Variants in MRTFB observed in about 807,000 individuals in gnomAD.
The protein encoded by MRTFB is myocardin-related transcription factor B.
Under a neutral mutation model 104.2 loss-of-function variants are expected in MRTFB, and 29 were observed. That is an observed-to-expected ratio of 0.28 (90% CI 0.21 to 0.38). The LOEUF (loss-of-function observed/expected upper bound fraction) is 0.38. Among genes scored for constraint, MRTFB ranks in the 10% least tolerant of loss-of-function variants. The pLI, the probability that MRTFB is intolerant of heterozygous loss-of-function variation, is 1.00. For missense variants in MRTFB, 1,270 were observed against 1,341.6 expected, an observed-to-expected ratio of 0.95 and a Z score of 0.83; for synonymous variants, 535 against 519.5, an observed-to-expected ratio of 1.03 and a Z score of -0.41.
At chr16:14,200,868 C>A in intron 3 of MRTFB, 1 of 1,458,638 alleles carries the variant, frequency 6.9e-7, no homozygotes, top group Middle Eastern at 1.7e-4. Context: ...TGTATGGTTA[C>A]CTCAGGTGTA....
the MRTFB span, among the ~76,000 whole-genome samples, chr16:13,997,632 A>AC: frequency 8.1e-5 from 6 of 73,984 alleles, no homozygotes; most frequent in African/African-American, 6.2e-4. Context: ...TATCTGTACC[A>AC]AAAAAAAAAA....
chr16:14,184,997 G>A (rs2039898404), intron 3 of MRTFB, among the ~76,000 whole-genome samples: 1 of 152,220 alleles, frequency 6.6e-6, no homozygotes, highest in South Asian at 2.1e-4. Flanking sequence ...CTAATTAAGT[G>A]ACCAACCTAA....
rs201003823 is a variant in MRTFB, at chr16:14,138,250, A to AAT, written c.-63-2286_-63-2285dup. On this transcript the variant is annotated intron_variant, in intron 2 of 16. Transcript: ENST00000571589. Reference sequence around the variant, plus strand: ...TTTACTTTGAATGATGATAATGTAGAATATATATAGAAATAATATAGAAAT... The same window carrying AAT: ...TTTACTTTGAATGATGATAATGTAGAATATATATATAGAAATAATATAGAAAT... Among the ~76,000 whole-genome samples, 1,453 of 152,278 alleles carry AAT rather than the reference A, an allele frequency of 9.5e-3. 26 individuals carry two copies. The highest frequency in any genetic ancestry group is 0.033 in the African/African-American group (1,384 of 41,566).
chr16:14,093,242 G>A (rs1220113796), intron 2 of MRTFB, among the ~76,000 whole-genome samples: 1 of 132,626 alleles, frequency 7.5e-6, no homozygotes, highest in Non-Finnish European at 1.5e-5. Flanking sequence ...TTGAGAGATG[G>A]ATTTTTTTTT....
At chr16:14,076,201 C>CT (rs768466016) in intron 1 of MRTFB, among the ~76,000 whole-genome samples, 6 of 151,130 alleles carry the variant, frequency 4.0e-5, no homozygotes, top group African/African-American at 9.7e-5. Context: ...CACTTCTTTT[C>CT]TTTTTTTTGA....
chr16:14,062,240 C>T, the MRTFB span, among the ~76,000 whole-genome samples: 1 of 152,228 alleles, frequency 6.6e-6, no homozygotes, highest in South Asian at 2.1e-4. Flanking sequence ...CTCCAGGCAC[C>T]TGCCACCACT....
chr16:14,044,602 C>A, the MRTFB span, among the ~76,000 whole-genome samples: 2 of 152,300 alleles, frequency 1.3e-5, 1 homozygote, highest in South Asian at 4.1e-4. Flanking sequence ...CTCAGCTGTG[C>A]AAAGCAAAGG....
intron 2 of MRTFB, among the ~76,000 whole-genome samples, chr16:14,137,229 C>G (rs567146719): frequency 6.6e-6 from 1 of 152,226 alleles, no homozygotes; most frequent in Admixed American, 6.5e-5. Flanking sequence ...AGTCTATACC[C>G]TCTCAAAAAT....
chr16:14,091,627 C>T (rs2035070168), intron 2 of MRTFB, among the ~76,000 whole-genome samples: 1 of 152,170 alleles, frequency 6.6e-6, no homozygotes, highest in South Asian at 2.1e-4. Flanking sequence ...GCAGAGCCAT[C>T]TGTGCACGTC....
intron 3 of MRTFB, among the ~76,000 whole-genome samples, chr16:14,173,158 T>C (rs1219498232): frequency 2.0e-5 from 3 of 152,118 alleles, no homozygotes; most frequent in Non-Finnish European, 4.4e-5. Flanking sequence ...TCCCTCCACA[T>C]TGCTTTTCTT....
chr16:14,089,435 A>T (rs937744474), intron 2 of MRTFB, among the ~76,000 whole-genome samples: 2 of 152,160 alleles, frequency 1.3e-5, no homozygotes, highest in Admixed American at 6.5e-5. Context: ...GCTTTTTTCT[A>T]TGTTGCAGCA....
chr16:14,217,546 C>T (rs773081259), intron 7 of MRTFB, among the ~76,000 whole-genome samples: 19 of 152,128 alleles, frequency 1.2e-4, no homozygotes, highest in Non-Finnish European at 2.1e-4. Flanking sequence ...TGGGGTCCAT[C>T]TCTTTAGGAC....
At chr16:14,004,575 G>A in the MRTFB span, among the ~76,000 whole-genome samples, 1 of 152,100 alleles carries the variant, frequency 6.6e-6, no homozygotes, top group Non-Finnish European at 1.5e-5. Flanking sequence ...GGGCCCCATG[G>A]GGCTCTGTCT....
At chr16:14,117,888 G>A (rs2036623854) in intron 2 of MRTFB, among the ~76,000 whole-genome samples, 1 of 152,142 alleles carries the variant, frequency 6.6e-6, no homozygotes, top group South Asian at 2.1e-4. Context: ...GTAAATTTCA[G>A]CCTCTTCCCC....
intron 3 of MRTFB, among the ~76,000 whole-genome samples, chr16:14,154,414 G>A (rs996578362): frequency 6.6e-6 from 1 of 152,136 alleles, no homozygotes; most frequent in African/African-American, 2.4e-5. Flanking sequence ...AAAATAAAAT[G>A]GATTTCTCAT....
At chr16:14,157,495 T>C (rs1490843404) in intron 3 of MRTFB, among the ~76,000 whole-genome samples, 1 of 152,196 alleles carries the variant, frequency 6.6e-6, no homozygotes, top group Non-Finnish European at 1.5e-5. Flanking sequence ...GGTTCCCACC[T>C]TGGTTCACAG....
chr16:14,256,949 C>T (rs189187855), intron 15 of MRTFB, among the ~76,000 whole-genome samples: 70 of 152,192 alleles, frequency 4.6e-4, no homozygotes, highest in African/African-American at 1.1e-3. Context: ...GATATTTTCC[C>T]AAAGAAGATA....
the MRTFB span, among the ~76,000 whole-genome samples, chr16:14,028,419 A>G: frequency 6.6e-6 from 1 of 152,130 alleles, no homozygotes. Context: ...GATGAGTGAC[A>G]GAGCTGGTGA....
rs779903988 is a variant in MRTFB at position 14,261,037 on chromosome 16, C to G, written c.2893C>G (p.Pro965Ala). The G allele has an allele frequency of 3.7e-6, 6 of 1,614,174 alleles. No homozygotes were observed. The highest frequency in any genetic ancestry group is 5.1e-6 in the Non-Finnish European group (6 of 1,180,030). ...RPPPQVQMAP[P>A]VSLEPMGSLS... ...ACCACCCCAAGTCCAAATGGCACCA[C>G]CTGTATCTTTAGAACCTATGGGCAG... Residue 965 changes from proline (P) to alanine (A), a missense_variant, in exon 17 of 17, where the codon CCT becomes GCT. Pro to Ala is a conservative substitution (Grantham distance 27). This residue lies in a region of MRTFB where 1,144 missense variants were observed against 1,131.5 expected (regional missense o/e 1.01). Coordinates refer to ENST00000571589, the MANE Select transcript of MRTFB (RefSeq NM_001308142.2).
Sources: gnomAD v4.1 joint callset for allele counts (sites outside exome capture counted in the v4.1 genomes callset) on GRCh38, gnomAD v4.1.1 for gene constraint, gnomAD v4.1.1 regional missense constraint, MANE v1.5 for transcripts, NCBI Gene and HGNC (gene_info 2026-07-23, HGNC 2026-07-21) for gene names.